Variants in TRPM1 observed in about 807,000 individuals in gnomAD.
The protein encoded by TRPM1 is transient receptor potential cation channel subfamily M member 1.
TRPM1 carries 113 observed loss-of-function variants against 149.4 expected under a neutral mutation model. That is an observed-to-expected ratio of 0.76 (90% CI 0.65 to 0.88). The LOEUF is 0.88. TRPM1 is among the 40% of genes least tolerant of loss of function. The pLI, the probability that TRPM1 is intolerant of heterozygous loss-of-function variation, is 0.00. For missense variants in TRPM1, 1,976 were observed against 2,038.7 expected (o/e 0.97, Z 0.59); for synonymous variants, 741 against 759.5 (o/e 0.98, Z 0.40).
At chr15:31,150,352 G>A (rs1174537232) in intron 1 of TRPM1, among the ~76,000 whole-genome samples, 1 of 151,992 alleles carries the variant, frequency 6.6e-6, no homozygotes, top group Non-Finnish European at 1.5e-5. Flanking sequence ...TTAGGCTATA[G>A]AGGGACCCCT....
chr15:31,088,680 C>G (rs887365846), intron 1 of TRPM1, among the ~76,000 whole-genome samples: 26 of 152,322 alleles, frequency 1.7e-4, no homozygotes, highest in Non-Finnish European at 7.3e-5. Flanking sequence ...GCATTTCATA[C>G]TAAGCCTTTT....
At chr15:31,058,844 G>C (rs1022854969) in intron 11 of TRPM1, among the ~76,000 whole-genome samples, 1 of 152,200 alleles carries the variant, frequency 6.6e-6, no homozygotes. Flanking sequence ...CACTTTGGGA[G>C]GCCAAGGCGG....
chr15:31,155,598 C>G (rs2036361220), intron 1 of TRPM1, among the ~76,000 whole-genome samples: 1 of 152,102 alleles, frequency 6.6e-6, no homozygotes, highest in Non-Finnish European at 1.5e-5. Context: ...ACTGATATAA[C>G]AGACAAGTGA....
At position 31,062,592 on chromosome 15, in the gene TRPM1, T is replaced by C. The variant is rs757244270; in HGVS notation, c.1076A>G (p.Lys359Arg). ...QLFAIIMECM[K>R]KKELVTVFRM... is the part of the protein sequence containing the mutation. Reference sequence around the variant, plus strand: ...CAAGACACTTACGAGTTCTTTCTTCTTCATGCACTCCATTATAATTGCAAA... The same window carrying C: ...CAAGACACTTACGAGTTCTTTCTTCCTCATGCACTCCATTATAATTGCAAA... Residue 359 changes from lysine to arginine, a missense_variant, in exon 9 of 28, where the codon AAG (lysine) becomes AGG (arginine). By Grantham distance (26) the Lys-to-Arg change is conservative. Coordinates refer to ENST00000256552, the MANE Select transcript of TRPM1 (RefSeq NM_001252024.2). 6.2e-7 allele frequency: 1 copy of C among 1,614,206 alleles called. No individual in the cohort carries two copies.
intron 8 of TRPM1, 138 bp from the exon 9 acceptor site, chr15:31,062,840 T>A: frequency 9.3e-7 from 1 of 1,072,624 alleles, no homozygotes. Context: ...GTAACCATAG[T>A]CAAACATCGT....
chr15:31,102,352 C>T (rs2035534378), upstream of TRPM1, among the ~76,000 whole-genome samples: 1 of 152,224 alleles, frequency 6.6e-6, no homozygotes, highest in Non-Finnish European at 1.5e-5. Context: ...TCCAGCTTTC[C>T]ATGAGCTTTC....
At position 31,026,276 on chromosome 15, in the gene TRPM1, G is replaced by A. The variant is rs755111558; in HGVS notation, c.3497-5C>T. 1 of 1,609,856 alleles carries A rather than the reference G, an allele frequency of 6.2e-7. No homozygotes were observed. The highest frequency in any genetic ancestry group is 1.1e-5 in the South Asian group (1 of 91,066). ...CCTCGTCGCTAAGGAAGAGCTCTGT[G>A]TGAAGGGAGAAGTGTCGGCCACGTG... On this transcript the variant is annotated splice_region_variant and splice_polypyrimidine_tract_variant and intron_variant, in intron 26 of 27. Transcript: ENST00000256552.
chr15:31,116,453 C>T (rs2035798658), intron 1 of TRPM1, among the ~76,000 whole-genome samples: 1 of 151,984 alleles, frequency 6.6e-6, no homozygotes, highest in African/African-American at 2.4e-5. Context: ...ACTAAAAATA[C>T]AAGAATTAGC....
rs761570978 is a variant in TRPM1, at chr15:31,026,238, A to G, written c.3530T>C (p.Leu1177Pro). The change falls in exon 27 of 28, where the codon CTG (leucine) becomes CCG (proline). Residue 1177 changes from leucine to proline, a missense_variant. By Grantham distance (98) the Leu-to-Pro change is moderately conservative. Transcript: ENST00000256552. ...CACGCACTGCTCCTCGAACTCATGC[A>G]GCCTCTTTAGCTCCTCGTCGCTAAG... ...LFLSDEELKRLHEFEEQCVQE... is the reference protein window; with the variant it reads ...LFLSDEELKRPHEFEEQCVQE... The G allele has an allele frequency of 1.2e-6, 2 of 1,612,230 alleles. No individual in the cohort carries two copies. The highest frequency in any genetic ancestry group is 2.2e-5 in the East Asian group (1 of 44,874).
At chr15:31,037,314 C>G (rs1348438945) in intron 20 of TRPM1, among the ~76,000 whole-genome samples, 2 of 152,182 alleles carry the variant, frequency 1.3e-5, no homozygotes, top group African/African-American at 4.8e-5. Flanking sequence ...TTAGCCATGC[C>G]CTTGTAATGA....
intron 1 of TRPM1, among the ~76,000 whole-genome samples, chr15:31,109,333 C>CAAAAAAAAAAAAAAAAAAAAAAAAAAAA (rs36072024): frequency 3.1e-5 from 1 of 32,300 alleles, no homozygotes; most frequent in Non-Finnish European, 6.0e-5. Flanking sequence ...GACTCTGCCT[C>CAAAAAAAAAAAAAAAAAAAAAAAAAAAA]AAAAAAAAAA....
At chr15:31,088,186 C>T (rs767381632) in intron 1 of TRPM1, among the ~76,000 whole-genome samples, 11 of 152,026 alleles carry the variant, frequency 7.2e-5, no homozygotes, top group Non-Finnish European at 1.3e-4. Flanking sequence ...CCAATCAGCA[C>T]GCTGTAAAAA....
intron 16 of TRPM1, 143 bp downstream of exon 16, chr15:31,046,061 A>G (rs2033752068): frequency 2.7e-6 from 2 of 731,386 alleles, no homozygotes; most frequent in Admixed American, 2.4e-5. Flanking sequence ...GAAAATGTAT[A>G]TATGGTCCTT....
chr15:31,052,218 G>T (rs1401381854), intron 11 of TRPM1, among the ~76,000 whole-genome samples: 1 of 152,120 alleles, frequency 6.6e-6, no homozygotes, highest in East Asian at 1.9e-4. Context: ...TAGGGCTGAG[G>T]CAGAGCTTAT....
intron 11 of TRPM1, among the ~76,000 whole-genome samples, chr15:31,057,108 A>G (rs530215077): frequency 2.8e-4 from 43 of 152,340 alleles, no homozygotes; most frequent in African/African-American, 9.4e-4. Flanking sequence ...AGGCATTGAG[A>G]GCATCCAGGG....
At position 31,042,160 on chromosome 15, in the gene TRPM1, G is replaced by A. The variant is rs1234390542; in HGVS notation, c.1878C>T (p.Ala626=). The change falls in exon 17 of 28, where the codon GCC becomes GCT. Residue 626 remains alanine, a synonymous_variant. Transcript: ENST00000256552. The part of the protein sequence containing the change: ...EEIDIDVDDP[A]VSRFQYPFHE... ...GGAAGGGATACTGGAACCGACTCAC[G>A]GCAGGGTCGTCCACATCAATGTCGA... 1.1e-5 allele frequency: 17 copies of A among 1,613,980 alleles called. No individual in the cohort carries two copies. The highest frequency in any genetic ancestry group is 4.0e-5 in the African/African-American group (3 of 74,896).
intron 1 of TRPM1, among the ~76,000 whole-genome samples, chr15:31,096,184 G>A (rs1053813682): frequency 3.9e-5 from 6 of 152,100 alleles, no homozygotes; most frequent in African/African-American, 1.4e-4. Flanking sequence ...GAAAGAAAGA[G>A]CAAAGGCAGG....
At position 31,040,675 on chromosome 15, in the gene TRPM1, A is replaced by C. The variant is rs955095137; in HGVS notation, c.2088-329T>G. ...CCCTCAAGTTGTGCACAGATCAGGG[A>C]GGCAGATAGAAAAGACAGCAAAAGT... On this transcript the variant is annotated intron_variant, in intron 17 of 27. Coordinates refer to ENST00000256552, the MANE Select transcript of TRPM1 (RefSeq NM_001252024.2). The surrounding 1 kb of genome is among the most constrained non-coding windows in gnomAD (Gnocchi z 4.2). Among the ~76,000 whole-genome samples the C allele has an allele frequency of 6.6e-6, 1 of 152,184 alleles. No individual in the cohort carries two copies. The highest frequency in any genetic ancestry group is 2.4e-5 in the African/African-American group (1 of 41,446).
At chr15:31,148,724 A>ACCTTACCC (rs1477839892) in intron 1 of TRPM1, among the ~76,000 whole-genome samples, 1 of 152,104 alleles carries the variant, frequency 6.6e-6, no homozygotes, top group Non-Finnish European at 1.5e-5. Context: ...GATGCTAGTC[A>ACCTTACCC]CCTTACCCCC....
Sources: allele counts gnomAD v4.1 joint callset (sites outside exome capture counted in the v4.1 genomes callset), GRCh38; gene constraint gnomAD v4.1.1; non-coding constraint Gnocchi (gnomAD v3.1); transcripts MANE v1.5; gene names NCBI Gene and HGNC (gene_info 2026-07-23, HGNC 2026-07-21).